CSMD2: variants seen among roughly 807,000 people sequenced by gnomAD.
CSMD2 encodes CUB and Sushi multiple domains 2, also known as CUB and sushi domain-containing protein 2.
A neutral mutation model predicts 398.5 loss-of-function variants in CSMD2; 130 were observed. That is an observed-to-expected ratio of 0.33 (90% CI 0.28 to 0.38). The LOEUF (loss-of-function observed/expected upper bound fraction) is 0.38. Ranked by LOEUF, CSMD2 falls within the 10% of genes least tolerant of loss-of-function variation. The pLI, the probability that CSMD2 is intolerant of heterozygous loss-of-function variation, is 1.00. For synonymous variants in CSMD2, 1,828 were observed against 1,908.5 expected, an observed-to-expected ratio of 0.96 and a Z score of 1.10; for missense variants, 3,829 against 4,764.9, an observed-to-expected ratio of 0.80 and a Z score of 5.78.
intron 10 of CSMD2, among the ~76,000 whole-genome samples, chr1:33,806,977 A>G (rs1227563932): frequency 6.6e-6 from 1 of 152,246 alleles, no homozygotes; most frequent in Non-Finnish European, 1.5e-5. Flanking sequence ...CAAGCTGATG[A>G]AAGATACAAT....
At chr1:33,923,664 A>C (rs1342926039) in intron 4 of CSMD2, among the ~76,000 whole-genome samples, 1 of 152,072 alleles carries the variant, frequency 6.6e-6, no homozygotes, top group Non-Finnish European at 1.5e-5. Context: ...TCTCCTAGCT[A>C]TTTTGAAATA....
intron 5 of CSMD2, among the ~76,000 whole-genome samples, chr1:33,896,048 GTTTTC>G (rs1642365290): frequency 6.6e-6 from 1 of 152,158 alleles, no homozygotes; most frequent in Non-Finnish European, 1.5e-5. Context: ...TCCAAGCTGA[GTTTTC>G]TTTTGTTAAG....
At chr1:33,839,492 T>G (rs1343494809) in intron 6 of CSMD2, 1 of 161,174 alleles carries the variant, frequency 6.2e-6, no homozygotes, top group Non-Finnish European at 1.5e-5. Flanking sequence ...GAGCAGTCAT[T>G]GTGACCAAAG....
chr1:33,924,207 T>TA (rs532682769), intron 4 of CSMD2, among the ~76,000 whole-genome samples: 2,271 of 145,642 alleles, frequency 0.016, 45 homozygotes, highest in African/African-American at 0.048. Context: ...TTCACTCTTC[T>TA]AAAAAAAAAA....
At chr1:33,848,046 T>G (rs1638408961) in intron 5 of CSMD2, among the ~76,000 whole-genome samples, 3 of 151,424 alleles carry the variant, frequency 2.0e-5, no homozygotes, top group Non-Finnish European at 4.4e-5. Context: ...GTCCCAGGAG[T>G]TTGATGAGTG....
chr1:33,577,933 C>A (rs1638405346), intron 48 of CSMD2, among the ~76,000 whole-genome samples: 1 of 152,178 alleles, frequency 6.6e-6, no homozygotes, highest in Non-Finnish European at 1.5e-5. Context: ...TAACTTGGGG[C>A]AAATCACTTC....
At chr1:33,759,045 A>C (rs983504544) in intron 13 of CSMD2, among the ~76,000 whole-genome samples, 1 of 152,234 alleles carries the variant, frequency 6.6e-6, no homozygotes, top group Non-Finnish European at 1.5e-5. Flanking sequence ...ATGCCACAGC[A>C]AAAGTTGACT....
intron 3 of CSMD2, among the ~76,000 whole-genome samples, chr1:33,986,909 A>T (rs530372280): frequency 1.3e-5 from 2 of 152,194 alleles, no homozygotes; most frequent in South Asian, 2.1e-4. Flanking sequence ...CATCTGGAGG[A>T]GGTGAGAAAG....
At chr1:33,603,867 G>GAAC (rs1258801551) in intron 42 of CSMD2, among the ~76,000 whole-genome samples, 4 of 152,232 alleles carry the variant, frequency 2.6e-5, no homozygotes, top group Non-Finnish European at 5.9e-5. Context: ...TATGGGAAAG[G>GAAC]AACAACATAT....
At chr1:33,553,537 T>A (rs749987707) in intron 55 of CSMD2, among the ~76,000 whole-genome samples, 3 of 152,170 alleles carry the variant, frequency 2.0e-5, no homozygotes, top group Non-Finnish European at 4.4e-5. Context: ...AGCCCTATGA[T>A]GTCCTCTAAG....
At chr1:33,993,864 G>A (rs1217346556) in intron 3 of CSMD2, among the ~76,000 whole-genome samples, 1 of 152,038 alleles carries the variant, frequency 6.6e-6, no homozygotes, top group Non-Finnish European at 1.5e-5. Flanking sequence ...TCCCCTGCCC[G>A]CACCTTATCT....
At chr1:33,893,706 T>C (rs1642199268) in intron 5 of CSMD2, among the ~76,000 whole-genome samples, 1 of 152,226 alleles carries the variant, frequency 6.6e-6, no homozygotes, top group African/African-American at 2.4e-5. Context: ...TTTCCAAAAA[T>C]ATTTGAATGT....
At chr1:33,708,474 G>C (rs1357265930) in intron 22 of CSMD2, among the ~76,000 whole-genome samples, 1 of 151,980 alleles carries the variant, frequency 6.6e-6, no homozygotes, top group African/African-American at 2.4e-5. Context: ...TAAATACATA[G>C]CTACACAAAT....
At chr1:33,947,536 G>A (rs1306798437) in intron 3 of CSMD2, among the ~76,000 whole-genome samples, 1 of 152,150 alleles carries the variant, frequency 6.6e-6, no homozygotes, top group East Asian at 1.9e-4. Flanking sequence ...AGCTGAACTT[G>A]TATTTTACTG....
chr1:33,588,998 A>G, intron 44 of CSMD2, among the ~76,000 whole-genome samples: 1 of 152,212 alleles, frequency 6.6e-6, no homozygotes, highest in Non-Finnish European at 1.5e-5. Context: ...CTTTCCCTGC[A>G]TATAGATTTA....
chr1:33,954,166 G>T (rs548210151), intron 3 of CSMD2, among the ~76,000 whole-genome samples: 1 of 152,152 alleles, frequency 6.6e-6, no homozygotes, highest in African/African-American at 2.4e-5. Flanking sequence ...CCTGAGAGTC[G>T]AAGTAGGTAT....
intron 1 of CSMD2, among the ~76,000 whole-genome samples, chr1:34,119,900 C>T (rs115717955): frequency 8.4e-4 from 128 of 152,298 alleles, no homozygotes; most frequent in African/African-American, 3.0e-3. Flanking sequence ...CCATCTGATT[C>T]AACAACCTAT....
At chr1:33,970,365 CCT>C (rs1370439933) in intron 3 of CSMD2, among the ~76,000 whole-genome samples, 4 of 152,108 alleles carry the variant, frequency 2.6e-5, no homozygotes, top group African/African-American at 9.7e-5. Context: ...CTCAGGAATC[CCT>C]GTGTCCGCAA....
At chr1:33,977,535 C>T (rs1038595814) in intron 3 of CSMD2, among the ~76,000 whole-genome samples, 3 of 152,056 alleles carry the variant, frequency 2.0e-5, no homozygotes, top group African/African-American at 7.2e-5. Flanking sequence ...GCTCTGTTGC[C>T]TGCAGCCTAG....
Sources: allele counts gnomAD v4.1 joint callset (sites outside exome capture counted in the v4.1 genomes callset), GRCh38; gene constraint gnomAD v4.1.1; transcripts MANE v1.5; gene names NCBI Gene and HGNC (gene_info 2026-07-23, HGNC 2026-07-21).